Variants in SLCO3A1 observed in about 807,000 individuals in gnomAD.
SLCO3A1 encodes the protein solute carrier organic anion transporter family member 3A1.
Under a neutral mutation model 63.1 loss-of-function variants are expected in SLCO3A1, and 27 were observed. The observed-to-expected ratio is 0.43, with a 90% confidence interval of 0.32 to 0.59. The LOEUF (loss-of-function observed/expected upper bound fraction) is 0.59. Among genes scored for constraint, SLCO3A1 ranks in the 20% least tolerant of loss-of-function variants. The pLI is 0.09. For synonymous variants in SLCO3A1, 473 were observed against 409.9 expected, an observed-to-expected ratio of 1.15 and a Z score of -1.86; for missense variants, 773 against 945.8, an observed-to-expected ratio of 0.82 and a Z score of 2.40.
At chr15:91,996,981 G>T (rs1472062357) in intron 2 of SLCO3A1, among the ~76,000 whole-genome samples, 1 of 152,080 alleles carries the variant, frequency 6.6e-6, no homozygotes, top group Non-Finnish European at 1.5e-5. Flanking sequence ...TAAGTTAAAA[G>T]ACAAGAGAGG....
chr15:92,020,318 T>G (rs770597202), intron 2 of SLCO3A1, among the ~76,000 whole-genome samples: 37 of 152,192 alleles, frequency 2.4e-4, no homozygotes, highest in Non-Finnish European at 4.9e-4. Context: ...AGCGCACATT[T>G]TTGTAAAGTC....
intron 7 of SLCO3A1, among the ~76,000 whole-genome samples, chr15:92,139,653 C>A (rs1055308342): frequency 2.6e-5 from 4 of 152,116 alleles, no homozygotes; most frequent in Non-Finnish European, 5.9e-5. Context: ...ACAATTTCAG[C>A]TCCTGTTATT....
intron 1 of SLCO3A1, among the ~76,000 whole-genome samples, chr15:91,905,629 T>TTG (rs1307957045): frequency 4.2e-4 from 51 of 121,758 alleles, no homozygotes; most frequent in Admixed American, 1.8e-3. Flanking sequence ...ATGCTTAGTT[T>TTG]TTTGTTTTTT....
intron 2 of SLCO3A1, among the ~76,000 whole-genome samples, chr15:91,929,100 C>T (rs7175643): frequency 0.22 from 34,102 of 152,084 alleles, 3,953 homozygotes; most frequent in Middle Eastern, 0.25. Context: ...TCCCCAAGAC[C>T]TTTCCTCATG....
At chr15:91,891,617 A>G (rs1370835876) in intron 1 of SLCO3A1, among the ~76,000 whole-genome samples, 1 of 152,218 alleles carries the variant, frequency 6.6e-6, no homozygotes, top group Non-Finnish European at 1.5e-5. Context: ...TGGGAAATTC[A>G]ATCTCTACAT....
chr15:92,153,593 G>T (rs1011282260), intron 9 of SLCO3A1: 1 of 152,256 alleles, frequency 6.6e-6, no homozygotes, highest in Non-Finnish European at 1.5e-5. Flanking sequence ...CCTAGCAAGG[G>T]CAATGGGGAT....
At chr15:91,924,479 A>C (rs1898948049) in intron 2 of SLCO3A1, among the ~76,000 whole-genome samples, 1 of 152,252 alleles carries the variant, frequency 6.6e-6, no homozygotes, top group Non-Finnish European at 1.5e-5. Flanking sequence ...TGATTTCAAA[A>C]GACCATCAAT....
intron 1 of SLCO3A1, among the ~76,000 whole-genome samples, chr15:91,891,364 T>C (rs1440605377): frequency 2.0e-5 from 3 of 152,168 alleles, no homozygotes; most frequent in Non-Finnish European, 4.4e-5. Context: ...GTCTGATCCA[T>C]GAGCAGATAA....
At chr15:92,151,243 G>A (rs567263532) in intron 9 of SLCO3A1, 14 of 444,600 alleles carry the variant, frequency 3.1e-5, no homozygotes, top group African/African-American at 1.4e-4. Context: ...TCACGCCACC[G>A]TGAATTCTCA....
intron 4 of SLCO3A1, among the ~76,000 whole-genome samples, chr15:92,116,141 A>C (rs1398833749): frequency 6.6e-6 from 1 of 152,164 alleles, no homozygotes; most frequent in East Asian, 1.9e-4. Context: ...TGGGGGATTT[A>C]ATAGTCCCAA....
At chr15:91,855,877 T>C (rs1200825321) in intron 1 of SLCO3A1, among the ~76,000 whole-genome samples, 2 of 152,150 alleles carry the variant, frequency 1.3e-5, no homozygotes, top group African/African-American at 4.8e-5. Context: ...AAACCAATTT[T>C]GCTCGGTAGA....
At chr15:91,898,455 C>A (rs946647707) in intron 1 of SLCO3A1, among the ~76,000 whole-genome samples, 1 of 152,216 alleles carries the variant, frequency 6.6e-6, no homozygotes, top group African/African-American at 2.4e-5. Flanking sequence ...TGTAATTGTT[C>A]TCCTGTCAGG....
At chr15:92,106,413 A>G (rs1307095618) in intron 4 of SLCO3A1, among the ~76,000 whole-genome samples, 11 of 152,078 alleles carry the variant, frequency 7.2e-5, no homozygotes. Flanking sequence ...CGACTCCCCT[A>G]GTAGCAGGAG....
At chr15:91,925,683 T>C (rs1898989621) in intron 2 of SLCO3A1, among the ~76,000 whole-genome samples, 1 of 152,174 alleles carries the variant, frequency 6.6e-6, no homozygotes, top group Admixed American at 6.5e-5. Context: ...ATGGACCATC[T>C]TCTCTTGTAG....
chr15:92,151,111 C>CT, intron 9 of SLCO3A1, 97 bp downstream of exon 9: 1 of 883,904 alleles, frequency 1.1e-6, no homozygotes, highest in East Asian at 2.6e-5. Flanking sequence ...AGGTCTGTCT[C>CT]TTTTTTCTTT....
At chr15:92,119,457 C>G (rs1303667595) in intron 4 of SLCO3A1, among the ~76,000 whole-genome samples, 1 of 152,168 alleles carries the variant, frequency 6.6e-6, no homozygotes, top group African/African-American at 2.4e-5. Context: ...AAGCCCTGAG[C>G]ACCAGGACTG....
At chr15:92,028,946 C>CGTGTGTGT (rs1555425656) in intron 2 of SLCO3A1, among the ~76,000 whole-genome samples, 9 of 23,884 alleles carry the variant, frequency 3.8e-4, no homozygotes, top group African/African-American at 1.7e-3. Flanking sequence ...TGTGTGTGTA[C>CGTGTGTGT]GTACATGAGA....
chr15:91,928,322 A>G (rs1323070937), intron 2 of SLCO3A1, among the ~76,000 whole-genome samples: 2 of 152,152 alleles, frequency 1.3e-5, no homozygotes, highest in Non-Finnish European at 2.9e-5. Context: ...CTCCCTCCTC[A>G]TAAAGCCCAA....
In SLCO3A1 at chr15:92,147,027, A is replaced by T. The variant is rs2048234600; in HGVS notation, c.1556A>T (p.Asn519Ile). The T allele has an allele frequency of 3.7e-6, 6 of 1,614,168 alleles. No homozygotes were observed. The highest frequency in any genetic ancestry group is 3.3e-5 in the Admixed American group (2 of 60,024). Residue 519 changes from asparagine to isoleucine, a missense_variant, in exon 8 of 10, where the codon AAC (asparagine) becomes ATC (isoleucine). Transcript: ENST00000318445. ...TGCCTCACCACCGTCCCTGCTGAGA[A>T]CGCAACCGTGGTTCCTGGAAAATGC... ...CACLTTVPAE[N>I]ATVVPGKCPS... is the part of the protein sequence containing the mutation.
Sources: allele counts gnomAD v4.1 joint callset (sites outside exome capture counted in the v4.1 genomes callset), GRCh38; gene constraint gnomAD v4.1.1; transcripts MANE v1.5; gene names NCBI Gene and HGNC (gene_info 2026-07-23, HGNC 2026-07-21).